Variants in SLC39A4 observed in about 807,000 individuals in gnomAD.
SLC39A4 encodes the protein zinc transporter ZIP4.
In SLC39A4, 49 loss-of-function variants were observed where a neutral mutation model predicts 56.6. The observed-to-expected ratio is 0.87, with a 90% CI of 0.69 to 1.10. The LOEUF (loss-of-function observed/expected upper bound fraction) is 1.10. Ranked by LOEUF, SLC39A4 falls within the 50% of genes least tolerant of loss-of-function variation. The probability of loss-of-function intolerance (pLI) is 0.00; values close to 1 mark genes in which losing one functional copy is unlikely to be tolerated. For missense variants in SLC39A4, 993 were observed against 864.2 expected, an observed-to-expected ratio of 1.15 and a Z score of -1.87; for synonymous variants, 540 against 420.4, an observed-to-expected ratio of 1.28 and a Z score of -3.48.
chr8:144,414,640 A>G, intron 5 of SLC39A4, 85 bp downstream of exon 5: 1 of 1,574,922 alleles, frequency 6.3e-7, no homozygotes, highest in Non-Finnish European at 8.6e-7. Context: ...CACTCTCTCC[A>G]TCCCTCATCC....
In SLC39A4 at chr8:144,413,957, C is replaced by T. The variant is rs1554872740; in HGVS notation, c.1287+1G>A. 2 of 1,610,674 alleles carry T rather than the reference C, an allele frequency of 1.2e-6. No homozygotes were observed. The highest frequency in any genetic ancestry group is 1.7e-6 in the Non-Finnish European group (2 of 1,178,802). ...CCGGGTACCTTCCCAAGAAGCCTGACCTCCGGGTCCCTGGGCAGCAGGAGA... is the reference window on the plus strand; with the variant it reads ...CCGGGTACCTTCCCAAGAAGCCTGATCTCCGGGTCCCTGGGCAGCAGGAGA... On this transcript the variant is annotated splice_donor_variant, in intron 7 of 11. Coordinates refer to ENST00000301305, the MANE Select transcript of SLC39A4 (RefSeq NM_130849.4). LOFTEE classifies it high-confidence loss of function.
Position 144,414,853 on chromosome 8 carries a change from G to A in SLC39A4, c.848C>T (p.Ser283Leu), listed in dbSNP as rs150864996. ...CTCCGGGGTCACCCCAGCCTGTTCC[G>A]ACAGTCCATATGCAGCCATCACGTC... ...ARDVMAAYGL[S>L]EQAGVTPEAW... Residue 283 changes from serine (S) to leucine (L), a missense_variant, in exon 5 of 12, where the codon TCG (serine) becomes TTG (leucine). Transcript: ENST00000301305. 1,492 of 1,613,296 alleles carry A rather than the reference G, an allele frequency of 9.2e-4. 2 individuals carry two copies. The highest frequency in any genetic ancestry group is 1.2e-3 in the Middle Eastern group (7 of 6,062).
At position 144,413,587 on chromosome 8, in the gene SLC39A4, A is replaced by G. The variant is rs1554872476; in HGVS notation, c.1420-20T>C. 1 of 1,550,114 alleles carries G rather than the reference A, an allele frequency of 6.5e-7. No homozygotes were observed. Among genetic ancestry groups the G allele is most frequent in the Non-Finnish European group, 8.7e-7 (1 of 1,147,084 alleles). On this transcript the variant is annotated intron_variant, in intron 8 of 11. Coordinates refer to ENST00000301305, the MANE Select transcript of SLC39A4 (RefSeq NM_130849.4). ...CGCCACCTGGGAGGAGCCTTGAGTA[A>G]GTCCCGCCCGGAAGTGGAGGAGGAA...
chr8:144,412,591 C>T lies in SLC39A4; in HGVS notation c.1891G>A (p.Gly631Ser), dbSNP rs148477092. Residue 631 changes from glycine to serine, a missense_variant, in exon 12 of 12, where the codon GGC (glycine) becomes AGC (serine). Physicochemically the swap from Gly to Ser is moderately conservative, Grantham distance 56. Transcript: ENST00000301305. Reference sequence around the variant, plus strand: ...GACAGCAGCAGCAGGACGGTCCAGCCGCCCAGCAGGCCCACGTTGTGCAGC... The same window carrying T: ...GACAGCAGCAGCAGGACGGTCCAGCTGCCCAGCAGGCCCACGTTGTGCAGC... ...FLLHNVGLLG[G>S]WTVLLLLSLY... 1.7e-5 allele frequency: 28 copies of T among 1,614,142 alleles called. No individual in the cohort carries two copies. The highest frequency in any genetic ancestry group is 5.0e-5 in the Admixed American group (3 of 60,020).
chr8:144,416,559 G>C, intron 1 of SLC39A4, 39 bp downstream of exon 1: 1 of 1,545,634 alleles, frequency 6.5e-7, no homozygotes, highest in East Asian at 2.4e-5. Context: ...CTGGCGGGAA[G>C]AGGCCAGGGC....
Position 144,414,279 on chromosome 8 carries a change from G to T in SLC39A4, c.1132C>A (p.Leu378Met). 1.9e-6 allele frequency: 3 copies of T among 1,609,142 alleles called. No homozygotes were observed. The highest frequency in any genetic ancestry group is 2.5e-6 in the Non-Finnish European group (3 of 1,178,796). The stretch of plus-strand genomic sequence containing the variant: ...GGGCAGACCTTGGGCGTCAGATGCA[G>T]GACAGCGTCCCCAGTGACTGCACCC... ...AVGAVTGDAV[L>M]HLTPKVLGLH... is the part of the protein sequence containing the mutation. Residue 378 changes from leucine to methionine, a missense_variant, in exon 6 of 12, where the codon CTG becomes ATG. Coordinates refer to ENST00000301305, the MANE Select transcript of SLC39A4 (RefSeq NM_130849.4).
In SLC39A4 at chr8:144,413,564, C is replaced by T. The variant is rs782297510; in HGVS notation, c.1423G>A (p.Ala475Thr). Reference sequence around the variant, plus strand: ...TTCAGCAGCTCCGGGCTCTCCTCCGCCACCTGGGAGGAGCCTTGAGTAAGT... The same window carrying T: ...TTCAGCAGCTCCGGGCTCTCCTCCGTCACCTGGGAGGAGCCTTGAGTAAGT... ...PHEGSRADLV[A>T]EESPELLNPE... Residue 475 changes from alanine (A) to threonine (T), a missense_variant, in exon 9 of 12, where the codon GCG becomes ACG. By Grantham distance (58) the Ala-to-Thr change is moderately conservative. Transcript: ENST00000301305. 3.9e-6 allele frequency: 6 copies of T among 1,552,988 alleles called. No individual in the cohort carries two copies. In the South Asian group the frequency reaches 5.9e-5, roughly 15 times the overall value.
At chr8:144,415,597 T>G (rs1431838087) in intron 2 of SLC39A4, among the ~76,000 whole-genome samples, 178 bp from the exon 3 acceptor site, 1 of 152,088 alleles carries the variant, frequency 6.6e-6, no homozygotes, top group Non-Finnish European at 1.5e-5. Flanking sequence ...CTCAGGCCTC[T>G]GGGTTCCTCC....
rs781880906 is a variant in SLC39A4, at chr8:144,412,814, G to A, written c.1760C>T (p.Ala587Val). ...LAVGVSEESE[A>V]WILAVATGLF... The stretch of plus-strand genomic sequence containing the variant: ...GCCGGTGGCCACTGCCAGGATCCAG[G>A]CCTCGCTCTCCTCGCTGACTCCAAC... Residue 587 changes from alanine (A) to valine (V), a missense_variant, in exon 11 of 12, where the codon GCC becomes GTC. Transcript: ENST00000301305. 1 of 1,612,974 alleles carries A rather than the reference G, an allele frequency of 6.2e-7. No homozygotes were observed. Among genetic ancestry groups the A allele is most frequent in the African/African-American group, 1.3e-5 (1 of 74,928 alleles).
At chr8:144,416,440 G>T in intron 1 of SLC39A4, 158 bp downstream of exon 1, 1 of 1,452,586 alleles carries the variant, frequency 6.9e-7, no homozygotes, top group Non-Finnish European at 9.0e-7. Context: ...TGAGCAGGAG[G>T]GTGGGCTCTG....
intron 11 of SLC39A4, 41 bp downstream of exon 11, chr8:144,412,718 A>C (rs554927810): frequency 6.2e-7 from 1 of 1,613,246 alleles, no homozygotes; most frequent in Admixed American, 1.7e-5. Context: ...TCCTCTGCTC[A>C]GCTCCCGGCC....
At chr8:144,416,504 C>T in intron 1 of SLC39A4, 94 bp downstream of exon 1, 2 of 1,502,384 alleles carry the variant, frequency 1.3e-6, no homozygotes, top group Non-Finnish European at 1.8e-6. Context: ...CCTCCGCCTC[C>T]TGGAGTTTGC....
At chr8:144,414,457 T>C in intron 5 of SLC39A4, 23 bp from the exon 6 acceptor site, 4 of 1,549,836 alleles carry the variant, frequency 2.6e-6, no homozygotes, top group Non-Finnish European at 3.5e-6. Context: ...GAGGCGGCTG[T>C]GAGAGCTTTT....
chr8:144,414,566 A>G (rs1252039925), intron 5 of SLC39A4, 132 bp from the exon 6 acceptor site: 203 of 1,494,818 alleles, frequency 1.4e-4, no homozygotes, highest in Middle Eastern at 2.4e-4. Context: ...CCTGCCTCAA[A>G]GCCCCACTCT....
intron 1 of SLC39A4, 120 bp from the exon 2 acceptor site, chr8:144,416,211 T>C (rs1041320795): frequency 6.3e-6 from 10 of 1,590,762 alleles, no homozygotes; most frequent in Non-Finnish European, 8.5e-6. Context: ...TCCACCATCC[T>C]CTCTCAACCC....
chr8:144,415,424 G>C lies in SLC39A4; in HGVS notation c.475-5C>G. On this transcript the variant is annotated splice_polypyrimidine_tract_variant and splice_region_variant and intron_variant, in intron 2 of 11. Transcript: ENST00000301305. ...CTGAGGGATATCTACGCAGGCCTGG[G>C]GAAGAGGGGGCCTCCGCCTCAGCCT... is the stretch of plus-strand genomic sequence containing the variant. 1 of 1,594,856 alleles carries C rather than the reference G, an allele frequency of 6.3e-7. No homozygotes were observed. The highest frequency in any genetic ancestry group is 8.5e-7 in the Non-Finnish European group (1 of 1,171,354).
chr8:144,412,953 G>C lies in SLC39A4; in HGVS notation c.1628-7C>G. On this transcript the variant is annotated splice_polypyrimidine_tract_variant and splice_region_variant and intron_variant, in intron 10 of 11. Coordinates refer to ENST00000301305, the MANE Select transcript of SLC39A4 (RefSeq NM_130849.4). ...AGCAAGGCGGCGAAGTCCCCTGCGG[G>C]CGAGTCCACATTAACAGCTCCGCCC... is the stretch of plus-strand genomic sequence containing the variant. 1.3e-6 allele frequency: 2 copies of C among 1,591,494 alleles called. No individual in the cohort carries two copies. Among genetic ancestry groups the C allele is most frequent in the Non-Finnish European group, 1.7e-6 (2 of 1,174,568 alleles).
chr8:144,416,492 C>A, intron 1 of SLC39A4, 106 bp downstream of exon 1: 5 of 1,486,050 alleles, frequency 3.4e-6, no homozygotes, highest in Non-Finnish European at 4.5e-6. Flanking sequence ...TGCCACTAGC[C>A]TCCTCCGCCT....
intron 2 of SLC39A4, 142 bp downstream of exon 2, chr8:144,415,668 T>G: frequency 7.7e-7 from 1 of 1,298,860 alleles, no homozygotes; most frequent in South Asian, 1.5e-5. Context: ...GAGCCCCACG[T>G]TGTGAATCCC....
Sources: allele counts gnomAD v4.1 joint callset (sites outside exome capture counted in the v4.1 genomes callset), GRCh38; gene constraint gnomAD v4.1.1; transcripts MANE v1.5; gene names NCBI Gene and HGNC (gene_info 2026-07-23, HGNC 2026-07-21).